DLEC1: variants seen among roughly 807,000 people sequenced by gnomAD.
DLEC1 encodes the protein deleted in lung and esophageal cancer protein 1.
DLEC1 carries 146 observed loss-of-function variants against 198.1 expected under a neutral mutation model. That is an observed-to-expected ratio of 0.74 (90% CI 0.64 to 0.85). The LOEUF is 0.85. DLEC1 is among the 40% of genes least tolerant of loss of function. The pLI, the probability that DLEC1 is intolerant of heterozygous loss-of-function variation, is 0.00. For synonymous variants in DLEC1, 897 were observed against 866.8 expected (o/e 1.03, Z -0.61); for missense variants, 2,233 against 2,220.0 (o/e 1.01, Z -0.12).
At position 38,120,565 on chromosome 3, in the gene DLEC1, T is replaced by G. The variant is rs1044432949; in HGVS notation, c.4822T>G (p.Phe1608Val). ...TGCGAGTGGAGAGAGAGAGATGGTG[T>G]TTACTCAGAACCTGCTCCTGGAGTA... is the stretch of plus-strand genomic sequence containing the variant. ...QSASGEREMV[F>V]TQNLLLEYTN... The change falls in exon 34 of 37, where the codon TTT (phenylalanine) becomes GTT (valine). Residue 1608 changes from phenylalanine to valine, a missense_variant. Transcript: ENST00000308059. 3.1e-6 allele frequency: 5 copies of G among 1,613,856 alleles called. No homozygotes were observed. The highest frequency in any genetic ancestry group is 2.7e-5 in the African/African-American group (2 of 74,898).
chr3:38,086,636 T>G lies in DLEC1; in HGVS notation c.1572+259T>G, dbSNP rs116383607. ...CTTATCCTTCAAGCCCTGGCTCAAA[T>G]GTGACTGCATTCACTCATTCAGTCC... On this transcript the variant is annotated intron_variant, in intron 9 of 36. Transcript: ENST00000308059. Among the ~76,000 whole-genome samples, 734 of 152,350 alleles carry G rather than the reference T, an allele frequency of 4.8e-3. 4 individuals carry two copies. The highest frequency in any genetic ancestry group is 0.017 in the African/African-American group (696 of 41,576).
At position 38,095,002 on chromosome 3, in the gene DLEC1, C is replaced by T; in HGVS notation, c.2043C>T (p.Ile681=). 6.2e-7 allele frequency: 1 copy of T among 1,614,224 alleles called. No homozygotes were observed. The highest frequency in any genetic ancestry group is 8.5e-7 in the Non-Finnish European group (1 of 1,180,030). ...CYPDKETAFS[I]MPRKGVLSPH... ...CCGACAAGGAGACTGCCTTCTCCAT[C>T]ATGCCCAGAAAGGGGGTTCTAAGCC... The change falls in exon 13 of 37, where the codon ATC becomes ATT. Residue 681 remains isoleucine (I), a synonymous_variant. Transcript: ENST00000308059.
intron 2 of DLEC1, among the ~76,000 whole-genome samples, chr3:38,058,506 A>G (rs1696502296): frequency 6.6e-6 from 1 of 152,230 alleles, no homozygotes; most frequent in African/African-American, 2.4e-5. Flanking sequence ...ATAATTGACA[A>G]GTGATAATAA....
chr3:38,095,949 G>C lies in DLEC1; in HGVS notation c.2171+3G>C. The C allele has an allele frequency of 6.2e-7, 1 of 1,613,520 alleles. No homozygotes were observed. Among genetic ancestry groups the C allele is most frequent in the Non-Finnish European group, 8.5e-7 (1 of 1,179,964 alleles). On this transcript the variant is annotated splice_donor_region_variant and intron_variant, in intron 14 of 36. Coordinates refer to ENST00000308059, the MANE Select transcript of DLEC1 (RefSeq NM_007335.4). ...GAGGAAGTCCCAGAGCCTGTAAGGT[G>C]AGAGAAACTGGGCCCTGGATGAGAA...
At chr3:38,106,255 A>G (rs946347076) in intron 19 of DLEC1, among the ~76,000 whole-genome samples, 1 of 152,228 alleles carries the variant, frequency 6.6e-6, no homozygotes, top group Admixed American at 6.5e-5. Context: ...TGGTTATATC[A>G]GTCAAGGCTT....
At chr3:38,114,865 G>A in intron 26 of DLEC1, 118 bp from the exon 27 acceptor site, 1 of 869,072 alleles carries the variant, frequency 1.2e-6, no homozygotes, top group Non-Finnish European at 1.8e-6. Flanking sequence ...TAATTCTCGA[G>A]TGAGGCCAGA....
Position 38,092,781 on chromosome 3 carries a change from C to T in DLEC1, c.1666-9C>T, listed in dbSNP as rs781728734. The T allele has an allele frequency of 2.4e-5, 38 of 1,613,736 alleles. No homozygotes were observed. Among genetic ancestry groups the T allele is most frequent in the Non-Finnish European group, 3.2e-5 (38 of 1,179,832 alleles). On this transcript the variant is annotated splice_polypyrimidine_tract_variant and intron_variant, in intron 10 of 36. Transcript: ENST00000308059. The stretch of plus-strand genomic sequence containing the variant: ...TGGGAGGTAACGGAACAACCCTTCT[C>T]TCCCCCAGGTCTTGTTTTCCCCAAA...
rs748328979 is a variant in DLEC1 at position 38,100,373 on chromosome 3, T to G, written c.2812T>G (p.Cys938Gly). The G allele has an allele frequency of 6.2e-7, 1 of 1,613,996 alleles. No individual in the cohort carries two copies. Among genetic ancestry groups the G allele is most frequent in the Non-Finnish European group, 8.5e-7 (1 of 1,179,990 alleles). ...RVDITLEALHCQHLETVLELE... is the reference protein window; with the variant it reads ...RVDITLEALHGQHLETVLELE... ...GGACATCACCTTGGAGGCCCTGCAC[T>G]GCCAGCATCTGGAGACCGTCCTGGA... The change falls in exon 19 of 37, where the codon TGC (cysteine) becomes GGC (glycine). Residue 938 changes from cysteine (C) to glycine (G), a missense_variant. By Grantham distance (159) the Cys-to-Gly change is radical (BLOSUM62 -3). Coordinates refer to ENST00000308059, the MANE Select transcript of DLEC1 (RefSeq NM_007335.4).
chr3:38,053,420 G>T (rs1701236921), intron 2 of DLEC1, among the ~76,000 whole-genome samples: 1 of 151,604 alleles, frequency 6.6e-6, no homozygotes, highest in African/African-American at 2.4e-5. Flanking sequence ...TGGGATGTGA[G>T]GAGCGCCTCT....
chr3:38,096,835 C>T (rs897596930), intron 15 of DLEC1, 98 bp downstream of exon 15: 45 of 1,392,352 alleles, frequency 3.2e-5, no homozygotes, highest in Non-Finnish European at 4.2e-5. Flanking sequence ...ATGGTAGCAG[C>T]CACTGCATGG....
chr3:38,094,808 G>T, intron 12 of DLEC1, 71 bp from the exon 13 acceptor site: 1 of 1,555,180 alleles, frequency 6.4e-7, no homozygotes, highest in South Asian at 1.2e-5. Context: ...GAGCAGGGCA[G>T]GGAGGCATGG....
In DLEC1 at chr3:38,095,935, A is replaced by G. The variant is rs1698992694; in HGVS notation, c.2160A>G (p.Pro720=). The G allele has an allele frequency of 6.2e-7, 1 of 1,613,740 alleles. No individual in the cohort carries two copies. The highest frequency in any genetic ancestry group is 1.1e-5 in the South Asian group (1 of 91,054). The stretch of plus-strand genomic sequence containing the variant: ...TCCAGATGGTGCTAGAGGAAGTCCC[A>G]GAGCCTGTAAGGTGAGAGAAACTGG... The part of the protein sequence containing the change: ...SVLQMVLEEV[P]EPVSSEAESL... The change falls in exon 14 of 37, where the codon CCA becomes CCG. Residue 720 remains proline (P), a synonymous_variant. Coordinates refer to ENST00000308059, the MANE Select transcript of DLEC1 (RefSeq NM_007335.4).
intron 2 of DLEC1, among the ~76,000 whole-genome samples, chr3:38,048,097 T>C (rs1700959483): frequency 1.3e-5 from 2 of 152,356 alleles, no homozygotes; most frequent in Middle Eastern, 6.8e-3. Flanking sequence ...AATTGTTCCA[T>C]CTTTGGCAGA....
chr3:38,120,626 C>T lies in DLEC1; in HGVS notation c.4866+17C>T, dbSNP rs542689748. 9 of 1,612,308 alleles carry T rather than the reference C, an allele frequency of 5.6e-6. No individual in the cohort carries two copies. The South Asian group carries it at 9.9e-5, about 18-fold the overall frequency. ...ACCACTCAGGCACGCCCCAGGCCCA[C>T]CTACATGTGGAGGAGGGTGGAAGTG... On this transcript the variant is annotated intron_variant, in intron 34 of 36. Coordinates refer to ENST00000308059, the MANE Select transcript of DLEC1 (RefSeq NM_007335.4).
At chr3:38,090,298 G>A (rs889661089) in intron 10 of DLEC1, among the ~76,000 whole-genome samples, 1 of 152,190 alleles carries the variant, frequency 6.6e-6, no homozygotes, top group Non-Finnish European at 1.5e-5. Context: ...GGCCATACCT[G>A]GCCAGTTTTC....
At position 38,110,232 on chromosome 3, in the gene DLEC1, T is replaced by C; in HGVS notation, c.3394T>C (p.Phe1132Leu). 1 of 1,614,058 alleles carries C rather than the reference T, an allele frequency of 6.2e-7. No individual in the cohort carries two copies. The highest frequency in any genetic ancestry group is 8.5e-7 in the Non-Finnish European group (1 of 1,180,002). ...AATACGGACCCGTTTCTCCCTCAAG[T>C]TTGAGTATTTCGGGAGCCCCCAAAA... ...SPIRTRFSLKFEYFGSPQNSL... is the reference protein window; with the variant it reads ...SPIRTRFSLKLEYFGSPQNSL... The change falls in exon 23 of 37, where the codon TTT becomes CTT. Residue 1132 changes from phenylalanine to leucine, a missense_variant. Physicochemically the swap from Phe to Leu is conservative, Grantham distance 22. Coordinates refer to ENST00000308059, the MANE Select transcript of DLEC1 (RefSeq NM_007335.4).
At position 38,123,763 on chromosome 3, in the gene DLEC1, G is replaced by A. The variant is rs540034282; in HGVS notation, c.*1351G>A. The A allele has an allele frequency of 6.6e-6, 1 of 152,326 alleles. No individual in the cohort carries two copies. The highest frequency in any genetic ancestry group is 1.9e-4 in the East Asian group (1 of 5,184). 9.4% of individuals were successfully genotyped at this position (152,326 alleles called of 1,614,324 possible). A position where few individuals can be genotyped will look rare whatever the true frequency, so the allele number is the denominator to read the frequency against. ...CAAACCTGTAATCCCAACACTTTGG[G>A]AGGCCGAGGCGGGAGGATCACGAGG... On this transcript the variant is annotated 3_prime_UTR_variant, in exon 37 of 37. Coordinates refer to ENST00000308059, the MANE Select transcript of DLEC1 (RefSeq NM_007335.4).
intron 7 of DLEC1, 92 bp downstream of exon 7, chr3:38,084,337 C>T (rs1181927680): frequency 1.9e-4 from 163 of 842,980 alleles, no homozygotes; most frequent in South Asian, 7.9e-4. Context: ...GTAATGGTAG[C>T]AATGATAGTA....
chr3:38,079,074 A>C (rs866863142), intron 6 of DLEC1, among the ~76,000 whole-genome samples: 1 of 152,176 alleles, frequency 6.6e-6, no homozygotes, highest in East Asian at 1.9e-4. Context: ...TAAGGGGTGC[A>C]TGATCGGTCG....
Sources: gnomAD v4.1 joint callset for allele counts (sites outside exome capture counted in the v4.1 genomes callset) on GRCh38, gnomAD v4.1.1 for gene constraint, MANE v1.5 for transcripts, NCBI Gene and HGNC (gene_info 2026-07-23, HGNC 2026-07-21) for gene names.